PDE3A: variants seen among roughly 807,000 people sequenced by gnomAD.
PDE3A encodes cGMP-inhibited 3',5'-cyclic phosphodiesterase 3A.
Under a neutral mutation model 98.3 loss-of-function variants are expected in PDE3A, and 43 were observed. That is an observed-to-expected ratio of 0.44 (90% CI 0.34 to 0.56). The LOEUF is 0.56. PDE3A is among the 20% of genes least tolerant of loss of function. The pLI, the probability that PDE3A is intolerant of heterozygous loss-of-function variation, is 0.01. For synonymous variants in PDE3A, 663 were observed against 567.9 expected (o/e 1.17, Z -2.38); for missense variants, 1,427 against 1,440.7 (o/e 0.99, Z 0.15).
chr12:20,615,164 A>C (rs1943973830), intron 3 of PDE3A, among the ~76,000 whole-genome samples: 1 of 151,716 alleles, frequency 6.6e-6, no homozygotes, highest in Non-Finnish European at 1.5e-5. Flanking sequence ...TTGGCCTCCC[A>C]AAGTGTTGGA....
intron 1 of PDE3A, among the ~76,000 whole-genome samples, chr12:20,434,592 C>T (rs181886029): frequency 7.7e-4 from 117 of 151,948 alleles, no homozygotes; most frequent in Admixed American, 7.3e-3. Context: ...GTGGCAGGGA[C>T]GGGGAAAGCA....
chr12:20,547,840 T>G (rs1269634742), intron 1 of PDE3A, among the ~76,000 whole-genome samples: 4 of 152,128 alleles, frequency 2.6e-5, no homozygotes, highest in African/African-American at 9.7e-5. Flanking sequence ...ATATTTTACC[T>G]ACAGAAATAT....
chr12:20,668,517 GCCT>G (rs1346926355), intron 15 of PDE3A, among the ~76,000 whole-genome samples: 1 of 152,208 alleles, frequency 6.6e-6, no homozygotes, highest in Non-Finnish European at 1.5e-5. Flanking sequence ...CAGGCAGACT[GCCT>G]CCTCAAGTGG....
chr12:20,672,370 A>G (rs914139285), intron 15 of PDE3A, among the ~76,000 whole-genome samples: 2 of 96,776 alleles, frequency 2.1e-5, no homozygotes, highest in Non-Finnish European at 4.3e-5. Context: ...ATGGAACCAA[A>G]AAAGAGCCCG....
Position 20,684,489 on chromosome 12 carries a change from G to A in PDE3A, c.*4218G>A, listed in dbSNP as rs1033750482. The A allele has an allele frequency of 1.3e-5, 2 of 152,106 alleles. No homozygotes were observed. The highest frequency in any genetic ancestry group is 2.9e-5 in the Non-Finnish European group (2 of 68,010). The allele number at this position is 152,106 out of a possible 1,614,324, so 9.4% of individuals were successfully genotyped here. The stretch of plus-strand genomic sequence containing the variant: ...ATGTGTGAAAGAAATATCAATAGAA[G>A]TTCAAATGCTAATAGCTCAATTCCA... On this transcript the variant is annotated 3_prime_UTR_variant, in exon 16 of 16. Transcript: ENST00000359062.
chr12:20,658,807 AGGCTG>A (rs1945097691), intron 15 of PDE3A, among the ~76,000 whole-genome samples: 1 of 152,156 alleles, frequency 6.6e-6, no homozygotes, highest in African/African-American at 2.4e-5. Context: ...AGCTAATTAG[AGGCTG>A]GGAGAAGATT....
chr12:20,585,766 C>T (rs1322133027), intron 2 of PDE3A, among the ~76,000 whole-genome samples: 1 of 152,090 alleles, frequency 6.6e-6, no homozygotes, highest in Non-Finnish European at 1.5e-5. Context: ...TTATTTTTCA[C>T]TCTTTTGCTT....
chr12:20,561,282 A>C (rs1202984316), intron 2 of PDE3A, among the ~76,000 whole-genome samples: 1 of 152,198 alleles, frequency 6.6e-6, no homozygotes, highest in Non-Finnish European at 1.5e-5. Flanking sequence ...TCTAATAGAA[A>C]GAGAGAAAAG....
At chr12:20,673,704 G>T (rs1945553382) in intron 15 of PDE3A, among the ~76,000 whole-genome samples, 1 of 123,314 alleles carries the variant, frequency 8.1e-6, no homozygotes, top group South Asian at 3.2e-4. Context: ...GTTGTGGGGT[G>T]GGGGGAGGGG....
intron 2 of PDE3A, among the ~76,000 whole-genome samples, chr12:20,590,606 C>A (rs1236181033): frequency 1.3e-5 from 2 of 150,648 alleles, no homozygotes; most frequent in African/African-American, 4.9e-5. Flanking sequence ...GAGCCCTCAT[C>A]TTAACCAGAA....
intron 1 of PDE3A, among the ~76,000 whole-genome samples, chr12:20,541,513 A>G (rs1168259596): frequency 6.6e-6 from 1 of 152,102 alleles, no homozygotes; most frequent in Non-Finnish European, 1.5e-5. Context: ...TGTGGTAGGA[A>G]TAGAGACAGA....
intron 2 of PDE3A, among the ~76,000 whole-genome samples, chr12:20,601,598 AAT>A (rs1249175756): frequency 1.3e-5 from 2 of 152,218 alleles, no homozygotes; most frequent in Non-Finnish European, 2.9e-5. Context: ...TCACGTTTCT[AAT>A]ATGTCTTATA....
intron 2 of PDE3A, among the ~76,000 whole-genome samples, chr12:20,581,883 T>C (rs577745683): frequency 1.3e-5 from 2 of 152,272 alleles, no homozygotes; most frequent in East Asian, 3.9e-4. Context: ...AAGTGGTACA[T>C]AGATTTCTAA....
chr12:20,668,274 G>A (rs942605462), intron 15 of PDE3A, among the ~76,000 whole-genome samples: 43 of 152,230 alleles, frequency 2.8e-4, no homozygotes, highest in Admixed American at 2.8e-3. Flanking sequence ...GCTGGGGGAG[G>A]GGCGCCCGCC....
chr12:20,643,895 T>TGGATTAGAGCTCAAAA (rs371343685), intron 10 of PDE3A, among the ~76,000 whole-genome samples: 34 of 152,054 alleles, frequency 2.2e-4, no homozygotes, highest in African/African-American at 4.6e-4. Flanking sequence ...GGGGACAGGG[T>TGGATTAGAGCTCAAAA]GGATTAGAGC....
intron 1 of PDE3A, among the ~76,000 whole-genome samples, chr12:20,390,145 G>A (rs1943886175): frequency 6.6e-6 from 1 of 151,880 alleles, no homozygotes; most frequent in Non-Finnish European, 1.5e-5. Flanking sequence ...GTGCTGAGGA[G>A]TAGAGGTGGG....
intron 6 of PDE3A, 83 bp downstream of exon 6, chr12:20,630,210 G>A: frequency 1.0e-6 from 1 of 994,584 alleles, no homozygotes; most frequent in South Asian, 1.3e-5. Context: ...AGCCCACGCA[G>A]CTTGGGGTAG....
intron 1 of PDE3A, among the ~76,000 whole-genome samples, chr12:20,524,502 A>T (rs1227562131): frequency 6.6e-6 from 1 of 152,204 alleles, no homozygotes; most frequent in Admixed American, 6.5e-5. Context: ...TTCAGTCAAG[A>T]TGCTACTTAG....
intron 2 of PDE3A, among the ~76,000 whole-genome samples, chr12:20,597,327 G>A (rs1329117648): frequency 6.6e-6 from 1 of 152,142 alleles, no homozygotes; most frequent in African/African-American, 2.4e-5. Context: ...TCAGAAGCTA[G>A]AAAGCCTTGA....
Sources: allele counts gnomAD v4.1 joint callset (sites outside exome capture counted in the v4.1 genomes callset), GRCh38; gene constraint gnomAD v4.1.1; transcripts MANE v1.5; gene names NCBI Gene and HGNC (gene_info 2026-07-23, HGNC 2026-07-21).